SNTG1: variants seen among roughly 807,000 people sequenced by gnomAD.
The protein encoded by SNTG1 is gamma-1-syntrophin.
A neutral mutation model predicts 74.7 loss-of-function variants in SNTG1; 39 were observed. That is an observed-to-expected ratio of 0.52 (90% CI 0.40 to 0.68). The LOEUF (loss-of-function observed/expected upper bound fraction) is 0.68. Among genes scored for constraint, SNTG1 ranks in the 30% least tolerant of loss-of-function variants. SNTG1 has a pLI of 0.00. For synonymous variants in SNTG1, 254 were observed against 217.1 expected (o/e 1.17, Z -1.49); for missense variants, 685 against 609.5 (o/e 1.12, Z -1.30).
chr8:50,208,732 C>T (rs1288813075), intron 2 of SNTG1, among the ~76,000 whole-genome samples: 2 of 152,242 alleles, frequency 1.3e-5, no homozygotes, highest in South Asian at 2.1e-4. Context: ...GCGCTTCCTT[C>T]AGGAGCTTTT....
At chr8:50,406,105 G>T (rs4128670) in intron 4 of SNTG1, among the ~76,000 whole-genome samples, 6,997 of 151,932 alleles carry the variant, frequency 0.046, 213 homozygotes, top group Middle Eastern at 0.071. Context: ...TTTTTATAAG[G>T]ATCATGTTGA....
chr8:50,435,089 A>T (rs1013986443), intron 4 of SNTG1, among the ~76,000 whole-genome samples: 1 of 152,254 alleles, frequency 6.6e-6, no homozygotes, highest in East Asian at 1.9e-4. Context: ...CAGGGATGAT[A>T]GTTATATTTT....
chr8:50,338,791 T>C (rs2091231668), intron 2 of SNTG1, among the ~76,000 whole-genome samples: 1 of 151,900 alleles, frequency 6.6e-6, no homozygotes, highest in South Asian at 2.1e-4. Flanking sequence ...TGTGGAACAA[T>C]TTAAAAAGGG....
At chr8:50,262,129 T>C (rs752686823) in intron 2 of SNTG1, among the ~76,000 whole-genome samples, 2 of 151,960 alleles carry the variant, frequency 1.3e-5, no homozygotes, top group Non-Finnish European at 2.9e-5. Flanking sequence ...AAAGAAGAAA[T>C]CTCAAGAGAT....
intron 1 of SNTG1, among the ~76,000 whole-genome samples, chr8:50,142,671 C>A (rs2131475512): frequency 6.6e-6 from 1 of 152,166 alleles, no homozygotes; most frequent in East Asian, 1.9e-4. Flanking sequence ...TAATGGCTTG[C>A]ATTTTTACTT....
chr8:50,118,363 T>G (rs1307834154), intron 1 of SNTG1, among the ~76,000 whole-genome samples: 1 of 152,210 alleles, frequency 6.6e-6, no homozygotes, highest in Non-Finnish European at 1.5e-5. Context: ...ATAAATATGT[T>G]GGAAATGATA....
chr8:50,171,313 T>C (rs4873413), intron 1 of SNTG1, among the ~76,000 whole-genome samples: 44,917 of 152,022 alleles, frequency 0.3, 6,748 homozygotes, highest in South Asian at 0.43. Flanking sequence ...AGGCTGCCTG[T>C]CAACTGAGGA....
chr8:50,615,660 G>A (rs188084635), intron 13 of SNTG1, among the ~76,000 whole-genome samples: 73 of 152,254 alleles, frequency 4.8e-4, no homozygotes, highest in Non-Finnish European at 9.3e-4. Flanking sequence ...TCAAGAGACA[G>A]AAATCACACC....
chr8:49,960,557 A>G (rs567618498), intron 1 of SNTG1, among the ~76,000 whole-genome samples: 2 of 152,214 alleles, frequency 1.3e-5, no homozygotes, highest in Admixed American at 6.5e-5. Flanking sequence ...AAAGGACGAT[A>G]TGTTGATATC....
chr8:50,136,227 T>C (rs895433029), intron 1 of SNTG1, among the ~76,000 whole-genome samples: 1 of 152,170 alleles, frequency 6.6e-6, no homozygotes, highest in South Asian at 2.1e-4. Flanking sequence ...TGTGTGCATG[T>C]GTCTCTATGG....
intron 1 of SNTG1, among the ~76,000 whole-genome samples, chr8:50,152,677 A>T (rs2082110197): frequency 6.6e-6 from 1 of 152,084 alleles, no homozygotes; most frequent in East Asian, 1.9e-4. Flanking sequence ...ACTTAATTTG[A>T]CTGGATATGA....
chr8:50,419,354 G>T (rs996012164), intron 4 of SNTG1, among the ~76,000 whole-genome samples: 7 of 152,190 alleles, frequency 4.6e-5, no homozygotes, highest in Admixed American at 2.0e-4. Flanking sequence ...TCACCAGGCT[G>T]CACTGATGTT....
chr8:50,357,259 C>T lies in SNTG1; in HGVS notation c.-27-36953C>T, dbSNP rs137867340. Among the ~76,000 whole-genome samples the T allele has an allele frequency of 1.1e-3, 172 of 152,352 alleles. 4 individuals carry two copies. The East Asian group carries it at 0.021, about 19-fold the overall frequency. On this transcript the variant is annotated intron_variant, in intron 2 of 18. Coordinates refer to ENST00000642720, the MANE Select transcript of SNTG1 (RefSeq NM_018967.5). ...CCCCTCCACGACTCTCAGAGGGCAG[C>T]AGTCCAGTCTTCTACATCCCTGTAT...
intron 17 of SNTG1, among the ~76,000 whole-genome samples, chr8:50,745,436 A>G (rs1446761659): frequency 6.6e-6 from 1 of 152,004 alleles, no homozygotes; most frequent in Non-Finnish European, 1.5e-5. Flanking sequence ...ATGGAAGAGT[A>G]ACCCTTTCTT....
At chr8:50,250,938 G>T (rs564904667) in intron 2 of SNTG1, among the ~76,000 whole-genome samples, 7 of 152,084 alleles carry the variant, frequency 4.6e-5, no homozygotes, top group South Asian at 2.1e-4. Context: ...GAATTCCCTG[G>T]TGCTGTAATA....
chr8:50,408,930 T>G (rs2092913884), intron 4 of SNTG1, among the ~76,000 whole-genome samples: 1 of 152,078 alleles, frequency 6.6e-6, no homozygotes, highest in Admixed American at 6.6e-5. Flanking sequence ...TCTCTAGAAT[T>G]AAGAGAGGAA....
intron 2 of SNTG1, among the ~76,000 whole-genome samples, chr8:50,260,367 T>C (rs146356002): frequency 6.6e-6 from 1 of 152,160 alleles, no homozygotes; most frequent in African/African-American, 2.4e-5. Context: ...ATTTGTTAAG[T>C]CACAACACAG....
chr8:49,945,338 A>G (rs552339828), intron 1 of SNTG1, among the ~76,000 whole-genome samples: 3 of 152,212 alleles, frequency 2.0e-5, no homozygotes, highest in Middle Eastern at 3.2e-3. Flanking sequence ...GCATCCCAGC[A>G]GGCCTTGTAT....
chr8:50,594,410 T>C (rs2094713174), intron 13 of SNTG1, among the ~76,000 whole-genome samples: 2 of 152,162 alleles, frequency 1.3e-5, no homozygotes, highest in Admixed American at 6.6e-5. Context: ...AAAATATTAA[T>C]ATAGTGAGCT....
Sources: allele counts gnomAD v4.1 joint callset (sites outside exome capture counted in the v4.1 genomes callset), GRCh38; gene constraint gnomAD v4.1.1; transcripts MANE v1.5; gene names NCBI Gene and HGNC (gene_info 2026-07-23, HGNC 2026-07-21).